The following WNK3 variants were observed in gnomAD, a reference collection of about 807,000 sequenced individuals.
WNK3 encodes serine/threonine-protein kinase WNK3.
Under a neutral mutation model 116.7 loss-of-function variants are expected in WNK3, and 18 were observed. The observed-to-expected ratio is 0.15, with a 90% CI of 0.11 to 0.23. The LOEUF (loss-of-function observed/expected upper bound fraction) is 0.23. Ranked by LOEUF, WNK3 falls within the 10% of genes least tolerant of loss-of-function variation. The pLI is 1.00. For missense variants in WNK3, 993 were observed against 1,323.8 expected (o/e 0.75, Z 3.88); for synonymous variants, 404 against 469.4 (o/e 0.86, Z 1.80).
At chrX:54,297,446 A>G (rs2147123939) in intron 7 of WNK3, among the ~76,000 whole-genome samples, 1 of 109,481 alleles carries the variant, frequency 9.1e-6, no homozygotes, top group South Asian at 4.1e-4. Context: ...GAGTGGTGGC[A>G]GGCGCCTGTA....
intron 22 of WNK3, among the ~76,000 whole-genome samples, chrX:54,208,211 G>T (rs1344256999): frequency 9.1e-6 from 1 of 110,126 alleles, no homozygotes; most frequent in Non-Finnish European, 1.9e-5. Flanking sequence ...TGCAAGCTCC[G>T]CCTCCCGGGT....
intron 10 of WNK3, among the ~76,000 whole-genome samples, chrX:54,271,898 G>A (rs144455318): frequency 2.7e-3 from 300 of 111,648 alleles, no homozygotes; most frequent in African/African-American, 9.4e-3. Flanking sequence ...AAAGGGAGAG[G>A]GCTGAATAAT....
In WNK3 at chrX:54,232,853, C is replaced by T. The variant is rs782454662; in HGVS notation, c.4796G>A (p.Arg1599His). 2.1e-5 allele frequency: 25 copies of T among 1,209,319 alleles called. No individual in the cohort carries two copies. The highest frequency in any genetic ancestry group is 2.3e-4 in the Middle Eastern group (1 of 4,376). ...GTCCACATGTGTCAAGGACTGGGGG[C>T]GGCTTCGAAGTTTGCTTTTGAAAGA... Residue 1599 changes from arginine (R) to histidine (H), a missense_variant, in exon 21 of 24, where the codon CGC becomes CAC. By Grantham distance (29) the Arg-to-His change is conservative. Around this residue, in one of 4 missense-constraint regions of WNK3, gnomAD observed 836 missense variants for 976.5 expected, o/e 0.86. Transcript: ENST00000354646.
At chrX:54,346,319 C>T (rs1182983726) in intron 1 of WNK3, among the ~76,000 whole-genome samples, 9 of 96,920 alleles carry the variant, frequency 9.3e-5, no homozygotes, top group Non-Finnish European at 1.6e-4. Flanking sequence ...CAGGCTCGGT[C>T]GGCCGGGAGT....
At chrX:54,325,417 G>A (rs1033840959) in intron 2 of WNK3, among the ~76,000 whole-genome samples, 27 of 110,379 alleles carry the variant, frequency 2.4e-4, no homozygotes, top group African/African-American at 7.9e-4. Context: ...TGTGGCTCAC[G>A]ACTGTAATCC....
intron 5 of WNK3, among the ~76,000 whole-genome samples, chrX:54,305,353 T>C (rs1318027498): frequency 9.0e-6 from 1 of 111,588 alleles, no homozygotes; most frequent in Non-Finnish European, 1.9e-5. Context: ...TGAGGTCACA[T>C]TGGTAACCTG....
Position 54,308,089 on chromosome X carries a change from AAC to A in WNK3, c.932-12_932-11del, listed in dbSNP as rs1557169014. 8.5e-7 allele frequency: 1 copy of A among 1,176,331 alleles called. No homozygotes were observed. On this transcript the variant is annotated splice_polypyrimidine_tract_variant and intron_variant, in intron 4 of 23. Transcript: ENST00000354646. ...ATAAACTCAGGAGTTCCTACAAAAT[AAC>A]ACCACCACCACATTCTTATAGAAGA...
chrX:54,251,651 T>C (rs782559176), exon 14 of WNK3: 1 of 1,209,459 alleles, frequency 8.3e-7, no homozygotes, highest in Non-Finnish European at 1.1e-6. Flanking sequence ...TCTACAAATT[T>C]TTCTTTCTCA....
At chrX:54,193,353 C>T (rs1181119166) in exon 24 of WNK3, 2 of 110,617 alleles carry the variant, frequency 1.8e-5, no homozygotes, top group African/African-American at 6.6e-5. Flanking sequence ...CCGCAAACCT[C>T]AATCTCAAAT....
chrX:54,344,487 T>G (rs1360344766), intron 1 of WNK3, among the ~76,000 whole-genome samples: 1 of 111,756 alleles, frequency 8.9e-6, no homozygotes, highest in South Asian at 3.7e-4. Flanking sequence ...AAAGTCAGTA[T>G]ATTGAGCATA....
intron 22 of WNK3, among the ~76,000 whole-genome samples, chrX:54,209,424 A>AAAATAAAT (rs10608187): frequency 1.1e-5 from 1 of 92,944 alleles, no homozygotes; most frequent in South Asian, 6.0e-4. Context: ...CTCTGTCTAA[A>AAAATAAAT]AAATAAATAA....
Position 54,332,864 on chromosome X carries a change from C to CA in WNK3, c.537+272dup, listed in dbSNP as rs1162673611. On this transcript the variant is annotated intron_variant, in intron 2 of 23. Transcript: ENST00000354646. ...TGGGTGACAGATCAAGATTCCGCCTCAAAAAAAAAAAAAAAGAAAAAAGAA... is the reference window on the plus strand; with the variant it reads ...TGGGTGACAGATCAAGATTCCGCCTCAAAAAAAAAAAAAAAAGAAAAAAGAA... Among the ~76,000 whole-genome samples, 248 of 49,174 alleles carry CA rather than the reference C, an allele frequency of 5.0e-3. 2 individuals are homozygous for CA. Among genetic ancestry groups the CA allele is most frequent in the African/African-American group, 0.011 (150 of 13,884 alleles). The allele number at this position is 49,174 out of a possible 115,157, so 42.7% of individuals were successfully genotyped here. A position where few individuals can be genotyped will look rare whatever the true frequency, so the allele number is the denominator to read the frequency against.
At chrX:54,336,296 G>C (rs907047763) in intron 1 of WNK3, among the ~76,000 whole-genome samples, 1 of 110,126 alleles carries the variant, frequency 9.1e-6, no homozygotes, top group Non-Finnish European at 1.9e-5. Context: ...CTCCAGCCTG[G>C]GTGACAGAGT....
At chrX:54,265,262 G>A (rs1005414740) in intron 10 of WNK3, among the ~76,000 whole-genome samples, 1 of 111,068 alleles carries the variant, frequency 9.0e-6, no homozygotes, top group Non-Finnish European at 1.9e-5. Context: ...TGAGGCAGGC[G>A]AATCATTTGA....
At chrX:54,254,945 A>T (rs182296984) in intron 12 of WNK3, among the ~76,000 whole-genome samples, 13 of 111,107 alleles carry the variant, frequency 1.2e-4, no homozygotes, top group Non-Finnish European at 1.9e-4. Flanking sequence ...ATCACTTGCT[A>T]GTTGAGTGAT....
rs1240941219 is a variant in WNK3, at chrX:54,265,997, G to GC, written c.2038-6660dup. 2.7e-3 allele frequency among the ~76,000 whole-genome samples: 304 copies of GC among 110,568 alleles called. 3 individuals are homozygous for GC. The highest frequency in any genetic ancestry group is 9.1e-3 in the African/African-American group (279 of 30,516). On this transcript the variant is annotated intron_variant, in intron 10 of 23. Transcript: ENST00000354646. Reference sequence around the variant, plus strand: ...ACTGCACTCCAGCCTGGACAAGACAGCGAAAAAAAAAAAGAGCTGAATTAG... The same window carrying GC: ...ACTGCACTCCAGCCTGGACAAGACAGCCGAAAAAAAAAAAGAGCTGAATTAG...
At chrX:54,219,289 T>C (rs782512604) in intron 22 of WNK3, among the ~76,000 whole-genome samples, 27 of 111,396 alleles carry the variant, frequency 2.4e-4, no homozygotes, top group Non-Finnish European at 4.1e-4. Context: ...TGACTTCTCA[T>C]TGGAAACCAT....
At chrX:54,302,295 G>GTTTA (rs1208802896) in intron 5 of WNK3, among the ~76,000 whole-genome samples, 8 of 111,244 alleles carry the variant, frequency 7.2e-5, no homozygotes, top group Non-Finnish European at 1.1e-4. Flanking sequence ...TAATAAACAA[G>GTTTA]TTTATTTATT....
chrX:54,286,779 G>A lies in WNK3; in HGVS notation c.2037+6109C>T, dbSNP rs782766077. On this transcript the variant is annotated intron_variant, in intron 10 of 23. Transcript: ENST00000354646. ...AATACAAAAATTAGCTGGGTGTGGT[G>A]GTAGATGCCTGTAATCCCAGCTACT... is the stretch of plus-strand genomic sequence containing the variant. Among the ~76,000 whole-genome samples the A allele has an allele frequency of 1.2e-3, 127 of 108,935 alleles. 1 individual carries two copies. Among genetic ancestry groups the A allele is most frequent in the Non-Finnish European group, 2.2e-3 (114 of 52,467 alleles). 94.6% of individuals were successfully genotyped at this position (108,935 alleles called of 115,157 possible). A position where few individuals can be genotyped will look rare whatever the true frequency, so the allele number is the denominator to read the frequency against.
Sources: allele counts gnomAD v4.1 joint callset (sites outside exome capture counted in the v4.1 genomes callset), GRCh38; gene constraint gnomAD v4.1.1; regional missense constraint gnomAD v4.1.1; transcripts MANE v1.5; gene names NCBI Gene and HGNC (gene_info 2026-07-23, HGNC 2026-07-21).